Variants in MAGI2 observed in about 807,000 individuals in gnomAD.
MAGI2 encodes membrane-associated guanylate kinase, WW and PDZ domain-containing protein 2.
Under a neutral mutation model 133.3 loss-of-function variants are expected in MAGI2, and 35 were observed. The observed-to-expected ratio is 0.26, with a 90% CI of 0.20 to 0.35. The LOEUF is 0.35. Ranked by LOEUF, MAGI2 falls within the 10% of genes least tolerant of loss-of-function variation. MAGI2 has a pLI of 1.00. For synonymous variants in MAGI2, 729 were observed against 710.6 expected (o/e 1.03, Z -0.41); for missense variants, 1,636 against 1,863.4 (o/e 0.88, Z 2.25).
chr7:78,985,186 A>G (rs962550150), intron 2 of MAGI2, among the ~76,000 whole-genome samples: 18 of 151,920 alleles, frequency 1.2e-4, no homozygotes, highest in African/African-American at 3.9e-4. Flanking sequence ...TTAGAGACAT[A>G]AAAGTCAATA....
intron 2 of MAGI2, among the ~76,000 whole-genome samples, chr7:78,962,864 T>C (rs2115812334): frequency 6.6e-6 from 1 of 152,166 alleles, no homozygotes; most frequent in African/African-American, 2.4e-5. Flanking sequence ...TGTCTTTTCA[T>C]AACCTTCAAA....
chr7:79,223,996 A>G (rs1228741233), intron 1 of MAGI2, among the ~76,000 whole-genome samples: 2 of 152,078 alleles, frequency 1.3e-5, no homozygotes, highest in African/African-American at 4.8e-5. Context: ...GGGCTATTTA[A>G]TTCTTCTGAA....
At chr7:78,957,137 A>G (rs995108372) in intron 2 of MAGI2, among the ~76,000 whole-genome samples, 1 of 151,678 alleles carries the variant, frequency 6.6e-6, no homozygotes, top group African/African-American at 2.4e-5. Flanking sequence ...GGTGGTGGTC[A>G]CCTGTAGTCC....
intron 2 of MAGI2, among the ~76,000 whole-genome samples, chr7:78,952,904 T>C (rs1215484864): frequency 6.6e-6 from 1 of 152,200 alleles, no homozygotes; most frequent in Non-Finnish European, 1.5e-5. Flanking sequence ...TTAACCATGT[T>C]CTGGAATAGC....
At chr7:78,752,163 T>G (rs1823513359) in intron 2 of MAGI2, among the ~76,000 whole-genome samples, 1 of 152,218 alleles carries the variant, frequency 6.6e-6, no homozygotes, top group African/African-American at 2.4e-5. Flanking sequence ...ATCTTACTAT[T>G]TCTTATCTAA....
intron 2 of MAGI2, among the ~76,000 whole-genome samples, chr7:78,707,175 T>C (rs1818738741): frequency 1.3e-5 from 2 of 152,096 alleles, no homozygotes; most frequent in African/African-American, 4.8e-5. Flanking sequence ...GTGAATAAGA[T>C]ATCAATATTA....
chr7:78,074,662 T>C lies in MAGI2; in HGVS notation c.3706+4285A>G, dbSNP rs1212375893. Among the ~76,000 whole-genome samples, 3 of 152,366 alleles carry C rather than the reference T, an allele frequency of 2.0e-5. No individual in the cohort carries two copies. The East Asian group carries it at 5.8e-4, about 29-fold the overall frequency. ...TTATTTTGCTGTTACCCAATTCTGCTACTTAAGAATTTATTAAGATATACT... is the reference window on the plus strand; with the variant it reads ...TTATTTTGCTGTTACCCAATTCTGCCACTTAAGAATTTATTAAGATATACT... On this transcript the variant is annotated intron_variant, in intron 21 of 21. Transcript: ENST00000354212.
intron 9 of MAGI2, among the ~76,000 whole-genome samples, chr7:78,295,317 A>C (rs980055285): frequency 9.8e-5 from 15 of 152,294 alleles, no homozygotes; most frequent in African/African-American, 3.4e-4. Flanking sequence ...CTATAACCAG[A>C]AGATTGACTA....
chr7:79,002,580 G>A (rs1038556151), intron 2 of MAGI2, among the ~76,000 whole-genome samples: 1 of 151,858 alleles, frequency 6.6e-6, no homozygotes, highest in Non-Finnish European at 1.5e-5. Flanking sequence ...TACGATAGTA[G>A]GATAGTGAAA....
intron 3 of MAGI2, among the ~76,000 whole-genome samples, chr7:78,573,311 T>A (rs1320940383): frequency 1.2e-4 from 6 of 49,556 alleles, no homozygotes; most frequent in East Asian, 9.7e-4. Flanking sequence ...TTTATATATA[T>A]AAATATATAA....
At chr7:78,799,466 A>C (rs886635770) in intron 2 of MAGI2, among the ~76,000 whole-genome samples, 1 of 152,160 alleles carries the variant, frequency 6.6e-6, no homozygotes, top group East Asian at 1.9e-4. Flanking sequence ...TTGTGTACAC[A>C]TGTAAGGAAA....
At chr7:78,665,215 T>C (rs1027549556) in intron 2 of MAGI2, among the ~76,000 whole-genome samples, 2 of 152,290 alleles carry the variant, frequency 1.3e-5, no homozygotes, top group African/African-American at 2.4e-5. Flanking sequence ...AGGTTCTTGA[T>C]ACGTGGTATC....
In MAGI2 at chr7:79,391,540, C is replaced by CATATATAT. The variant is rs1198335417; in HGVS notation, c.301+61472_301+61479dup. 1.8e-3 allele frequency among the ~76,000 whole-genome samples: 82 copies of CATATATAT among 46,670 alleles called. 1 individual carries two copies. The highest frequency in any genetic ancestry group is 7.2e-3 in the East Asian group (13 of 1,808). The allele number at this position is 46,670 out of a possible 152,430, so 30.6% of individuals were successfully genotyped here. A position where few individuals can be genotyped will look rare whatever the true frequency, so the allele number is the denominator to read the frequency against. ...ATATATATATATATATATATATAGA[C>CATATATAT]ATATATATATATATATATATATACA... On this transcript the variant is annotated intron_variant, in intron 1 of 21. Transcript: ENST00000354212.
At chr7:79,058,566 A>G (rs1813387414) in intron 1 of MAGI2, among the ~76,000 whole-genome samples, 1 of 152,098 alleles carries the variant, frequency 6.6e-6, no homozygotes, top group Non-Finnish European at 1.5e-5. Context: ...AATTTTCCCC[A>G]TATTACACAT....
intron 1 of MAGI2, among the ~76,000 whole-genome samples, chr7:79,437,432 TAC>T (rs749763112): frequency 6.6e-6 from 1 of 152,042 alleles, no homozygotes; most frequent in Admixed American, 6.6e-5. Flanking sequence ...GATACATATA[TAC>T]ACACACACAT....
chr7:78,219,111 C>A (rs913123878), intron 10 of MAGI2, among the ~76,000 whole-genome samples: 4 of 152,132 alleles, frequency 2.6e-5, no homozygotes, highest in Admixed American at 1.3e-4. Context: ...GAACGTGCCT[C>A]GTCTACCTTC....
chr7:79,224,053 A>G (rs1830655906), intron 1 of MAGI2, among the ~76,000 whole-genome samples: 1 of 152,070 alleles, frequency 6.6e-6, no homozygotes, highest in African/African-American at 2.4e-5. Flanking sequence ...ATTCTTGGCT[A>G]ATAACATTGG....
intron 10 of MAGI2, among the ~76,000 whole-genome samples, chr7:78,239,815 A>C (rs12216574): frequency 0.34 from 51,989 of 152,088 alleles, 9,123 homozygotes; most frequent in Admixed American, 0.39. Context: ...ATGGCAATGT[A>C]AATTAGTATA....
intron 1 of MAGI2, among the ~76,000 whole-genome samples, chr7:79,246,415 G>A (rs901723330): frequency 6.6e-6 from 1 of 152,004 alleles, no homozygotes; most frequent in African/African-American, 2.4e-5. Flanking sequence ...ACACAAAGAA[G>A]GAATTAAGAA....
Sources: gnomAD v4.1 joint callset for allele counts (sites outside exome capture counted in the v4.1 genomes callset) on GRCh38, gnomAD v4.1.1 for gene constraint, MANE v1.5 for transcripts, NCBI Gene and HGNC (gene_info 2026-07-23, HGNC 2026-07-21) for gene names.